ARB2A: variants seen among roughly 807,000 people sequenced by gnomAD.
ARB2A encodes the protein ARB2 cotranscriptional regulator A.
At chr5:93,944,299 T>C in the ARB2A span, among the ~76,000 whole-genome samples, 16 of 152,096 alleles carry the variant, frequency 1.1e-4, no homozygotes, top group Non-Finnish European at 1.6e-4. Context: ...TAAAATCTCA[T>C]TGAAGAAAAA....
chr5:93,633,488 T>G, the ARB2A span, among the ~76,000 whole-genome samples: 7 of 152,290 alleles, frequency 4.6e-5, no homozygotes, highest in East Asian at 1.2e-3. Context: ...CTTTTCTAGG[T>G]TTATCATAAC....
the ARB2A span, chr5:93,881,299 G>A: frequency 6.0e-6 from 3 of 496,956 alleles, no homozygotes; most frequent in East Asian, 3.4e-5. Flanking sequence ...AGAATGATGC[G>A]TTTTGTAATT....
At chr5:93,666,334 ATT>A in the ARB2A span, among the ~76,000 whole-genome samples, 1 of 152,276 alleles carries the variant, frequency 6.6e-6, no homozygotes, top group East Asian at 1.9e-4. Context: ...TGAGAAATGA[ATT>A]GGTCAGGATG....
the ARB2A span, among the ~76,000 whole-genome samples, chr5:93,665,857 A>G: frequency 1.3e-5 from 2 of 152,216 alleles, no homozygotes; most frequent in Admixed American, 1.3e-4. Flanking sequence ...ATAAAGGCCA[A>G]ATGATAATTT....
chr5:93,858,245 C>G, the ARB2A span, among the ~76,000 whole-genome samples: 2 of 152,202 alleles, frequency 1.3e-5, no homozygotes, highest in African/African-American at 4.8e-5. Context: ...AGGCTTGTCA[C>G]ATAGCCACTT....
the ARB2A span, among the ~76,000 whole-genome samples, chr5:93,951,446 A>G: frequency 6.6e-6 from 1 of 152,080 alleles, no homozygotes; most frequent in Admixed American, 6.6e-5. Flanking sequence ...TTCTTGTAGT[A>G]GTTTCATAGT....
At chr5:93,689,531 G>A in the ARB2A span, among the ~76,000 whole-genome samples, 1 of 152,228 alleles carries the variant, frequency 6.6e-6, no homozygotes, top group Non-Finnish European at 1.5e-5. Context: ...AACTGAGGAA[G>A]ATATTTATCT....
At chr5:94,054,469 G>A in the ARB2A span, among the ~76,000 whole-genome samples, 2 of 152,002 alleles carry the variant, frequency 1.3e-5, no homozygotes, top group South Asian at 2.1e-4. Flanking sequence ...TTAGACTAGG[G>A]TTATGATTTC....
chr5:93,850,259 A>G, the ARB2A span, among the ~76,000 whole-genome samples: 1 of 152,170 alleles, frequency 6.6e-6, no homozygotes, highest in Middle Eastern at 3.2e-3. Context: ...TTCCTGGAAA[A>G]CTGATATTCA....
At chr5:93,946,352 A>T in the ARB2A span, among the ~76,000 whole-genome samples, 10 of 152,222 alleles carry the variant, frequency 6.6e-5, no homozygotes, top group African/African-American at 2.2e-4. Flanking sequence ...GAGGAAGAAC[A>T]TGAAACTATG....
the ARB2A span, among the ~76,000 whole-genome samples, chr5:93,854,850 C>T: frequency 2.6e-5 from 4 of 152,118 alleles, no homozygotes; most frequent in African/African-American, 7.2e-5. Context: ...TGTTCTTTTA[C>T]ATTTGCTGAG....
the ARB2A span, among the ~76,000 whole-genome samples, chr5:93,622,288 TG>T: frequency 3.3e-5 from 5 of 152,236 alleles, no homozygotes; most frequent in Admixed American, 3.3e-4. Context: ...AGATACCGCT[TG>T]GAAGTCTCCG....
chr5:93,718,961 A>G, the ARB2A span, among the ~76,000 whole-genome samples: 3 of 152,306 alleles, frequency 2.0e-5, no homozygotes, highest in Admixed American at 1.3e-4. Flanking sequence ...CTCCTGATGC[A>G]GATGCCTGAT....
At chr5:93,683,668 T>C in the ARB2A span, 11 of 1,606,534 alleles carry the variant, frequency 6.8e-6, no homozygotes, top group African/African-American at 5.4e-5. Flanking sequence ...ACCGAAAAGA[T>C]AGTTCTGGGG....
chr5:93,765,932 TG>T, the ARB2A span, among the ~76,000 whole-genome samples: 2 of 152,132 alleles, frequency 1.3e-5, no homozygotes, highest in Admixed American at 1.3e-4. Context: ...AAACAAGCAA[TG>T]GGGAAAGGAT....
At chr5:94,028,700 G>T in the ARB2A span, among the ~76,000 whole-genome samples, 1 of 152,110 alleles carries the variant, frequency 6.6e-6, no homozygotes, top group African/African-American at 2.4e-5. Context: ...CAACCACTTT[G>T]AATGAACAAC....
At chr5:93,833,797 G>A in the ARB2A span, among the ~76,000 whole-genome samples, 1 of 152,152 alleles carries the variant, frequency 6.6e-6, no homozygotes, top group Non-Finnish European at 1.5e-5. Flanking sequence ...ATTATCATCT[G>A]AGCAGGGTTT....
At chr5:93,683,084 T>C in the ARB2A span, 158 of 1,567,728 alleles carry the variant, frequency 1.0e-4, no homozygotes, top group East Asian at 2.8e-3. Context: ...TTTTGAGTCT[T>C]TTCCATTCTG....
chr5:93,815,274 A>G, the ARB2A span, among the ~76,000 whole-genome samples: 3 of 152,208 alleles, frequency 2.0e-5, no homozygotes, highest in African/African-American at 4.8e-5. Context: ...ATATACATGT[A>G]GGGGTTAAAA....
Sources: gnomAD v4.1 joint callset for allele counts (sites outside exome capture counted in the v4.1 genomes callset) on GRCh38, gnomAD v4.1.1 for gene constraint, MANE v1.5 for transcripts, NCBI Gene and HGNC (gene_info 2026-07-23, HGNC 2026-07-21) for gene names.